LRP1B: variants seen among roughly 807,000 people sequenced by gnomAD.
The protein encoded by LRP1B is low-density lipoprotein receptor-related protein 1B.
Under a neutral mutation model 556.6 loss-of-function variants are expected in LRP1B, and 217 were observed. The observed-to-expected ratio is 0.39, with a 90% CI of 0.35 to 0.44. LRP1B has a LOEUF of 0.44. LRP1B is among the 20% of genes least tolerant of loss of function. The pLI is 1.00. For missense variants in LRP1B, 5,053 were observed against 5,620.8 expected (o/e 0.90, Z 3.23); for synonymous variants, 2,047 against 1,865.8 (o/e 1.10, Z -2.50).
chr2:142,063,842 A>C (rs1428508426), intron 1 of LRP1B, among the ~76,000 whole-genome samples: 1 of 151,674 alleles, frequency 6.6e-6, no homozygotes, highest in East Asian at 1.9e-4. Flanking sequence ...ATTTGGAATA[A>C]AACACAAGAT....
At position 141,875,702 on chromosome 2, in the gene LRP1B, C is replaced by G. The variant is rs189937807; in HGVS notation, c.83-65301G>C. 2.8e-4 allele frequency among the ~76,000 whole-genome samples: 42 copies of G among 152,026 alleles called. No homozygotes were observed. The East Asian group carries it at 7.6e-3, about 27-fold the overall frequency. ...CTTATTCATTTAAGGTAAGTTCCCC[C>G]ACAAGGGTAGTCTATATTTGAGTTC... On this transcript the variant is annotated intron_variant, in intron 1 of 90. Transcript: ENST00000389484.
intron 2 of LRP1B, among the ~76,000 whole-genome samples, chr2:141,596,806 A>G (rs1053017463): frequency 6.6e-6 from 1 of 152,034 alleles, no homozygotes. Flanking sequence ...GTTCATAATA[A>G]GGTAACAGGA....
chr2:141,986,250 G>T (rs961495577), intron 1 of LRP1B, among the ~76,000 whole-genome samples: 2 of 151,622 alleles, frequency 1.3e-5, no homozygotes, highest in African/African-American at 2.4e-5. Flanking sequence ...TAGTTAAGAT[G>T]GTAAATTTTA....
chr2:141,313,252 T>C (rs998153400), intron 3 of LRP1B, among the ~76,000 whole-genome samples: 12 of 152,168 alleles, frequency 7.9e-5, no homozygotes, highest in Non-Finnish European at 1.6e-4. Flanking sequence ...TGTGACATTG[T>C]TTTCCTCTTG....
At chr2:142,091,792 C>T (rs191260238) in intron 1 of LRP1B, among the ~76,000 whole-genome samples, 2 of 152,194 alleles carry the variant, frequency 1.3e-5, no homozygotes, top group South Asian at 4.1e-4. Context: ...TCCAGAAATT[C>T]TCTTTTTAGC....
chr2:141,243,369 G>C (rs1463086109), intron 5 of LRP1B, among the ~76,000 whole-genome samples: 1 of 151,988 alleles, frequency 6.6e-6, no homozygotes, highest in East Asian at 1.9e-4. Context: ...TGTGGTCTCA[G>C]ATACTCAAAG....
At chr2:140,933,472 A>G (rs1460351147) in intron 20 of LRP1B, among the ~76,000 whole-genome samples, 1 of 152,092 alleles carries the variant, frequency 6.6e-6, no homozygotes, top group African/African-American at 2.4e-5. Context: ...ATAGTCATTA[A>G]TCATAACTTG....
intron 1 of LRP1B, among the ~76,000 whole-genome samples, chr2:141,829,162 A>G (rs1358040291): frequency 6.6e-6 from 1 of 151,984 alleles, no homozygotes; most frequent in Non-Finnish European, 1.5e-5. Context: ...TTTGTCCTCA[A>G]TTTCTAGTCT....
rs777607684 is a variant in LRP1B at position 141,055,253 on chromosome 2, C to T, written c.1415G>A (p.Ser472Asn). 1.9e-6 allele frequency: 3 copies of T among 1,608,440 alleles called. No individual in the cohort carries two copies. Among genetic ancestry groups the T allele is most frequent in the Admixed American group, 1.7e-5 (1 of 59,100 alleles). ...YQKRTQPTVR[S>N]HACEVDPYGM... ...ATATGGATCGACTTCACATGCATGG[C>T]TTCTGACTACAACAAATAAAAAACA... is the stretch of plus-strand genomic sequence containing the variant. The change falls in exon 10 of 91, where the codon AGC becomes AAC. Residue 472 changes from serine to asparagine, a missense_variant. Coordinates refer to ENST00000389484, the MANE Select transcript of LRP1B (RefSeq NM_018557.3).
At position 142,051,669 on chromosome 2, in the gene LRP1B, G is replaced by T. The variant is rs567801298; in HGVS notation, c.82+78979C>A. ...TTTTTGTATTTTTAGTAGAGAGGGG[G>T]TTTCACCACATTGGCCAGGCTGGTC... On this transcript the variant is annotated intron_variant, in intron 1 of 90. Transcript: ENST00000389484. Among the ~76,000 whole-genome samples the T allele has an allele frequency of 1.4e-4, 21 of 151,968 alleles. No individual in the cohort carries two copies. In the South Asian group the frequency reaches 3.7e-3, roughly 27 times the overall value.
At chr2:141,227,611 ATAACTT>A (rs1172711355) in intron 6 of LRP1B, among the ~76,000 whole-genome samples, 2 of 152,194 alleles carry the variant, frequency 1.3e-5, no homozygotes, top group African/African-American at 4.8e-5. Context: ...TTCACAATAA[ATAACTT>A]TATCAATTGT....
chr2:140,810,878 G>A (rs1267828891), intron 32 of LRP1B, among the ~76,000 whole-genome samples: 1 of 152,004 alleles, frequency 6.6e-6, no homozygotes, highest in Non-Finnish European at 1.5e-5. Context: ...TGGGATTACA[G>A]GCACCCGCTA....
chr2:141,521,007 T>C (rs953523088), intron 2 of LRP1B, among the ~76,000 whole-genome samples: 3 of 152,040 alleles, frequency 2.0e-5, no homozygotes, highest in African/African-American at 7.2e-5. Context: ...AAGCGAACAA[T>C]TCATGCTCAG....
At chr2:140,328,329 A>ATTATGTAGTCATTTTCAGTATATCTCCCT (rs1680603486) in intron 79 of LRP1B, among the ~76,000 whole-genome samples, 2 of 151,966 alleles carry the variant, frequency 1.3e-5, no homozygotes, top group African/African-American at 4.8e-5. Flanking sequence ...AATGGAGCTA[A>ATTATGTAGTCATTTTCAGTATATCTCCCT]TTATGTAGTC....
In LRP1B at chr2:140,512,055, A is replaced by G. The variant is rs1209646920; in HGVS notation, c.8270-1999T>C. Among the ~76,000 whole-genome samples, 3 of 152,160 alleles carry G rather than the reference A, an allele frequency of 2.0e-5. 1 individual carries two copies. Among genetic ancestry groups the G allele is most frequent in the South Asian group, 4.2e-4 (2 of 4,816 alleles). On this transcript the variant is annotated intron_variant, in intron 51 of 90. Transcript: ENST00000389484. ...CTTAAGGAAGTTTTGATAAATGTAAAATTTCTTGTCTACTGCCATATTATC... is the reference window on the plus strand; with the variant it reads ...CTTAAGGAAGTTTTGATAAATGTAAGATTTCTTGTCTACTGCCATATTATC...
At chr2:141,335,647 T>C (rs1269622917) in intron 3 of LRP1B, among the ~76,000 whole-genome samples, 3 of 152,056 alleles carry the variant, frequency 2.0e-5, no homozygotes, top group Non-Finnish European at 4.4e-5. Context: ...TACATAAAAA[T>C]AAACTAATAA....
chr2:140,528,356 T>G (rs1297453991), intron 47 of LRP1B, among the ~76,000 whole-genome samples: 1 of 151,816 alleles, frequency 6.6e-6, no homozygotes, highest in African/African-American at 2.4e-5. Context: ...TACATGAAAA[T>G]AAATTTTAAC....
At chr2:141,261,172 G>T (rs532424341) in intron 3 of LRP1B, among the ~76,000 whole-genome samples, 3 of 152,100 alleles carry the variant, frequency 2.0e-5, no homozygotes, top group Middle Eastern at 3.2e-3. Flanking sequence ...CTAGTAAAAT[G>T]CAGTGTGAGC....
At chr2:142,083,989 T>C (rs1705817449) in intron 1 of LRP1B, among the ~76,000 whole-genome samples, 1 of 151,962 alleles carries the variant, frequency 6.6e-6, no homozygotes, top group Non-Finnish European at 1.5e-5. Flanking sequence ...ATGCCTTTTT[T>C]TTTTTTTTGA....
Sources: gnomAD v4.1 joint callset for allele counts (sites outside exome capture counted in the v4.1 genomes callset) on GRCh38, gnomAD v4.1.1 for gene constraint, MANE v1.5 for transcripts, NCBI Gene and HGNC (gene_info 2026-07-23, HGNC 2026-07-21) for gene names.